Variants in NEO1 observed in about 807,000 individuals in gnomAD.
The protein encoded by NEO1 is neogenin 1, also known as neogenin.
Under a neutral mutation model 159.7 loss-of-function variants are expected in NEO1, and 63 were observed. The observed-to-expected ratio is 0.39, with a 90% CI of 0.32 to 0.49. The LOEUF is 0.49. NEO1 is among the 20% of genes least tolerant of loss of function. The probability of loss-of-function intolerance (pLI) is 0.85; values close to 1 mark genes in which losing one functional copy is unlikely to be tolerated. For missense variants in NEO1, 1,615 were observed against 1,831.0 expected (o/e 0.88, Z 2.15); for synonymous variants, 633 against 662.0 (o/e 0.96, Z 0.67).
intron 7 of NEO1, among the ~76,000 whole-genome samples, chr15:73,209,850 C>T (rs2037452870): frequency 6.6e-6 from 1 of 151,846 alleles, no homozygotes; most frequent in East Asian, 1.9e-4. Context: ...CAAAAAAAAG[C>T]ACAAAAATTA....
chr15:73,127,853 G>T (rs1204147929), intron 4 of NEO1, among the ~76,000 whole-genome samples: 1 of 152,176 alleles, frequency 6.6e-6, no homozygotes, highest in Non-Finnish European at 1.5e-5. Context: ...ATTCAGTTCT[G>T]CAGTCATACA....
chr15:73,129,751 A>C (rs1201478408), intron 4 of NEO1, among the ~76,000 whole-genome samples: 1 of 152,202 alleles, frequency 6.6e-6, no homozygotes, highest in Non-Finnish European at 1.5e-5. Flanking sequence ...AACAGGTTAA[A>C]ATGCTTGATA....
intron 5 of NEO1, among the ~76,000 whole-genome samples, chr15:73,151,064 C>T (rs958931433): frequency 2.0e-5 from 3 of 152,166 alleles, no homozygotes; most frequent in African/African-American, 7.2e-5. Flanking sequence ...ACATTCCTAC[C>T]AACAGTGTAT....
intron 7 of NEO1, among the ~76,000 whole-genome samples, chr15:73,228,021 T>A (rs1032622603): frequency 2.6e-5 from 4 of 152,238 alleles, no homozygotes; most frequent in Non-Finnish European, 5.9e-5. Flanking sequence ...TAGTTGAAAC[T>A]ATTAAACATC....
At chr15:73,123,646 T>A (rs1437015929) in intron 3 of NEO1, among the ~76,000 whole-genome samples, 5 of 152,218 alleles carry the variant, frequency 3.3e-5, no homozygotes, top group Non-Finnish European at 4.4e-5. Flanking sequence ...ATATCTTTTC[T>A]CACTGTATAA....
chr15:73,166,954 G>C (rs2034610047), intron 5 of NEO1, among the ~76,000 whole-genome samples: 1 of 151,956 alleles, frequency 6.6e-6, no homozygotes, highest in African/African-American at 2.4e-5. Flanking sequence ...CATAAAAAAG[G>C]ATGAGTTCAT....
chr15:73,052,161 G>C (rs1156671718), upstream of NEO1, among the ~76,000 whole-genome samples: 1 of 149,900 alleles, frequency 6.7e-6, no homozygotes, highest in East Asian at 2.0e-4. Context: ...GCGGCTCCGG[G>C]GAGAAGGGGG....
At chr15:73,088,040 A>T (rs1434418815) in intron 1 of NEO1, among the ~76,000 whole-genome samples, 4 of 152,102 alleles carry the variant, frequency 2.6e-5, no homozygotes, top group African/African-American at 9.7e-5. Flanking sequence ...ACACATTGCT[A>T]AATTGCTTTC....
chr15:73,124,656 TA>T (rs904242909), intron 3 of NEO1, among the ~76,000 whole-genome samples: 6 of 152,200 alleles, frequency 3.9e-5, no homozygotes, highest in Non-Finnish European at 7.3e-5. Flanking sequence ...AATATCGCTT[TA>T]TCAGTGAAGC....
chr15:73,272,024 A>G (rs1312800620), intron 18 of NEO1, among the ~76,000 whole-genome samples: 1 of 152,210 alleles, frequency 6.6e-6, no homozygotes, highest in Non-Finnish European at 1.5e-5. Flanking sequence ...ACAGGGAAGA[A>G]GTCATCTTGG....
chr15:73,266,805 C>T (rs1290090482), intron 16 of NEO1, among the ~76,000 whole-genome samples: 1 of 152,170 alleles, frequency 6.6e-6, no homozygotes. Context: ...AACCCAACAT[C>T]ATTTGGTTAC....
At chr15:73,241,546 A>G (rs1373597746) in intron 8 of NEO1, among the ~76,000 whole-genome samples, 1 of 152,166 alleles carries the variant, frequency 6.6e-6, no homozygotes, top group Non-Finnish European at 1.5e-5. Flanking sequence ...GAGGCCCAGA[A>G]AGCATTAGTG....
In NEO1 at chr15:73,273,988, A is replaced by G; in HGVS notation, c.3143A>G (p.Gln1048Arg). The G allele has an allele frequency of 6.2e-7, 1 of 1,613,948 alleles. No individual in the cohort carries two copies. Among genetic ancestry groups the G allele is most frequent in the Non-Finnish European group, 8.5e-7 (1 of 1,179,918 alleles). The change falls in exon 20 of 29, where the codon CAA becomes CGA. Residue 1048 changes from glutamine (Q) to arginine (R), a missense_variant. Around this residue, in one of 3 missense-constraint regions of NEO1, gnomAD observed 126 missense variants for 216.7 expected, o/e 0.58. Coordinates refer to ENST00000261908, the MANE Select transcript of NEO1 (RefSeq NM_002499.4). Reference sequence around the variant, plus strand: ...ATGGGACCCATGTCTGAAGCTGTCCAATTCAGAACACCTAAAGGTAATGCT... The same window carrying G: ...ATGGGACCCATGTCTGAAGCTGTCCGATTCAGAACACCTAAAGGTAATGCT... The part of the protein sequence containing the change: ...KGMGPMSEAV[Q>R]FRTPKADSSD...
At chr15:73,214,486 A>G (rs1171193658) in intron 7 of NEO1, among the ~76,000 whole-genome samples, 1 of 152,102 alleles carries the variant, frequency 6.6e-6, no homozygotes, top group Non-Finnish European at 1.5e-5. Context: ...ATTCTCCTAC[A>G]TGTGGCTAGC....
At chr15:73,259,286 G>A (rs1322089616) in intron 14 of NEO1, among the ~76,000 whole-genome samples, 2 of 151,844 alleles carry the variant, frequency 1.3e-5, no homozygotes, top group Non-Finnish European at 2.9e-5. Context: ...AAATGGGTGT[G>A]TATAGGTAGC....
At chr15:73,282,364 T>C (rs2041760147) in intron 22 of NEO1, among the ~76,000 whole-genome samples, 1 of 152,232 alleles carries the variant, frequency 6.6e-6, no homozygotes, top group Non-Finnish European at 1.5e-5. Flanking sequence ...CCTAGAACAA[T>C]GACTGACACA....
intron 7 of NEO1, among the ~76,000 whole-genome samples, chr15:73,212,757 A>G (rs749394511): frequency 3.5e-4 from 42 of 121,096 alleles, no homozygotes; most frequent in South Asian, 8.7e-4. Flanking sequence ...GAAACAGCCC[A>G]AAAAAAAAGG....
Position 73,282,877 on chromosome 15 carries a change from C to A in NEO1, c.3263-87C>A, listed in dbSNP as rs1025004211. 12 of 1,458,374 alleles carry A rather than the reference C, an allele frequency of 8.2e-6. No homozygotes were observed. The African/African-American group carries it at 1.3e-4, about 15-fold the overall frequency. 90.3% of individuals were successfully genotyped at this position (1,458,374 alleles called of 1,614,324 possible). ...GCAATGAGTGTTATCAAGAAGTTCA[C>A]GTGAGATATTAATGGTTCTGTAGCT... On this transcript the variant is annotated intron_variant, in intron 22 of 28. Transcript: ENST00000261908.
chr15:73,303,242 G>A lies in NEO1; in HGVS notation c.*546G>A, dbSNP rs1178415589. 1 of 152,510 alleles carries A rather than the reference G, an allele frequency of 6.6e-6. No homozygotes were observed. The highest frequency in any genetic ancestry group is 1.5e-5 in the Non-Finnish European group (1 of 68,072). 9.4% of individuals were successfully genotyped at this position (152,510 alleles called of 1,614,324 possible). ...GTTCCTGGGGTTGGCTTGTTTTTTG[G>A]TTTCATTTTTATTTTTTAATTCTGA... On this transcript the variant is annotated 3_prime_UTR_variant, in exon 29 of 29. Coordinates refer to ENST00000261908, the MANE Select transcript of NEO1 (RefSeq NM_002499.4).
Sources: allele counts gnomAD v4.1 joint callset (sites outside exome capture counted in the v4.1 genomes callset), GRCh38; gene constraint gnomAD v4.1.1; regional missense constraint gnomAD v4.1.1; transcripts MANE v1.5; gene names NCBI Gene and HGNC (gene_info 2026-07-23, HGNC 2026-07-21).